Variants in AP3B1 observed in about 807,000 individuals in gnomAD.
AP3B1 encodes adaptor related protein complex 3 subunit beta 1, also known as AP-3 complex subunit beta-1.
AP3B1 carries 61 observed loss-of-function variants against 132.5 expected under a neutral mutation model. The observed-to-expected ratio is 0.46, with a 90% CI of 0.37 to 0.57. The LOEUF (loss-of-function observed/expected upper bound fraction) is 0.57, where lower values mean the gene tolerates loss of function less well. Among genes scored for constraint, AP3B1 ranks in the 20% least tolerant of loss-of-function variants. The pLI, the probability that AP3B1 is intolerant of heterozygous loss-of-function variation, is 0.00. For missense variants in AP3B1, 1,120 were observed against 1,289.4 expected (o/e 0.87, Z 2.01); for synonymous variants, 388 against 438.3 (o/e 0.89, Z 1.43).
intron 3 of AP3B1, among the ~76,000 whole-genome samples, chr5:78,233,620 C>T (rs921406078): frequency 3.1e-4 from 47 of 152,180 alleles, no homozygotes; most frequent in Admixed American, 1.8e-3. Context: ...GGAAAACTGC[C>T]TGCGACAGCT....
intron 6 of AP3B1, chr5:78,222,514 G>A (rs890444190): frequency 6.6e-6 from 1 of 152,156 alleles, no homozygotes; most frequent in Admixed American, 6.5e-5. Flanking sequence ...ATGAACACTA[G>A]TATAATTGTT....
chr5:78,145,559 G>A (rs778930737), intron 14 of AP3B1, among the ~76,000 whole-genome samples: 11 of 152,158 alleles, frequency 7.2e-5, no homozygotes, highest in African/African-American at 2.7e-4. Flanking sequence ...TGTTGAGACC[G>A]GTTCTGATCC....
chr5:78,214,225 G>A (rs1026108477), intron 7 of AP3B1, among the ~76,000 whole-genome samples: 2 of 152,292 alleles, frequency 1.3e-5, no homozygotes, highest in Middle Eastern at 3.4e-3. Flanking sequence ...TGTTCATGGA[G>A]TTAACATGTG....
chr5:78,155,197 G>A (rs1743096355), intron 14 of AP3B1, among the ~76,000 whole-genome samples: 1 of 152,180 alleles, frequency 6.6e-6, no homozygotes, highest in African/African-American at 2.4e-5. Context: ...AAATCTGGGA[G>A]AACTCTCTAG....
chr5:78,010,140 C>T (rs1473576133), intron 26 of AP3B1, among the ~76,000 whole-genome samples: 1 of 152,214 alleles, frequency 6.6e-6, no homozygotes, highest in Admixed American at 6.5e-5. Context: ...GGACAATACA[C>T]TGTCTTGCTG....
chr5:78,145,003 T>C (rs143683795), intron 14 of AP3B1, among the ~76,000 whole-genome samples: 63 of 152,218 alleles, frequency 4.1e-4, no homozygotes, highest in Middle Eastern at 3.4e-3. Flanking sequence ...CAGCTGATAG[T>C]ATGCATTTTA....
chr5:78,122,750 C>T (rs374265417), intron 17 of AP3B1, among the ~76,000 whole-genome samples: 22 of 152,132 alleles, frequency 1.4e-4, no homozygotes, highest in Middle Eastern at 3.4e-3. Flanking sequence ...AGAATCAATA[C>T]CGTGAAAATG....
chr5:78,074,349 G>A (rs1281893352), intron 22 of AP3B1, among the ~76,000 whole-genome samples: 1 of 151,986 alleles, frequency 6.6e-6, no homozygotes, highest in African/African-American at 2.4e-5. Context: ...AGAATAAGAT[G>A]GGGCATGGCT....
chr5:78,095,872 G>A (rs1331841032), intron 21 of AP3B1, among the ~76,000 whole-genome samples: 10 of 151,904 alleles, frequency 6.6e-5, no homozygotes. Flanking sequence ...ATAGCACTTG[G>A]GTATTAAAAA....
intron 22 of AP3B1, among the ~76,000 whole-genome samples, chr5:78,060,925 C>A (rs1248873144): frequency 6.6e-6 from 1 of 152,044 alleles, no homozygotes; most frequent in South Asian, 2.1e-4. Context: ...TCTTGGAGGA[C>A]TAAGAAGAGA....
At chr5:78,053,260 T>C (rs930785847) in intron 22 of AP3B1, among the ~76,000 whole-genome samples, 3 of 152,236 alleles carry the variant, frequency 2.0e-5, no homozygotes, top group African/African-American at 4.8e-5. Flanking sequence ...TCCTCTTTTC[T>C]GTCCCTCTAC....
At chr5:78,223,027 C>CAT (rs1746250167) in intron 6 of AP3B1, among the ~76,000 whole-genome samples, 1 of 127,818 alleles carries the variant, frequency 7.8e-6, no homozygotes, top group African/African-American at 2.9e-5. Flanking sequence ...TTGTTTGTTT[C>CAT]TTTTTTTTTT....
intron 24 of AP3B1, among the ~76,000 whole-genome samples, chr5:78,031,714 G>A (rs1747584076): frequency 6.6e-6 from 1 of 152,120 alleles, no homozygotes; most frequent in South Asian, 2.1e-4. Flanking sequence ...TTTCCCCCAC[G>A]AGTGTTTTAC....
intron 1 of AP3B1, among the ~76,000 whole-genome samples, chr5:78,284,374 G>A (rs1304079586): frequency 6.6e-6 from 1 of 152,040 alleles, no homozygotes; most frequent in Non-Finnish European, 1.5e-5. Flanking sequence ...TATTTATGTA[G>A]GTAGTAATTA....
At chr5:78,272,504 C>G (rs1748587782) in intron 1 of AP3B1, among the ~76,000 whole-genome samples, 1 of 152,168 alleles carries the variant, frequency 6.6e-6, no homozygotes, top group African/African-American at 2.4e-5. Context: ...TCATCTGGTT[C>G]TCCATTCGCA....
chr5:78,187,858 C>T (rs1026865830), intron 7 of AP3B1, among the ~76,000 whole-genome samples: 7 of 152,194 alleles, frequency 4.6e-5, no homozygotes, highest in Non-Finnish European at 1.0e-4. Context: ...GTAACCAAAA[C>T]AGCATGGTAC....
At chr5:78,140,024 G>A (rs754178049) in intron 15 of AP3B1, among the ~76,000 whole-genome samples, 3 of 152,084 alleles carry the variant, frequency 2.0e-5, no homozygotes, top group African/African-American at 7.2e-5. Flanking sequence ...AGGACACAGA[G>A]CATAAAGCTT....
intron 5 of AP3B1, 60 bp downstream of exon 5, chr5:78,227,305 CCTCTGTG>C: frequency 6.7e-7 from 1 of 1,499,142 alleles, no homozygotes; most frequent in East Asian, 2.3e-5. Context: ...ATAAAACAAG[CCTCTGTG>C]GTCTATAACA....
chr5:78,129,273 C>A lies in AP3B1; in HGVS notation c.1685G>T (p.Gly562Val). ...KLLTQYILNL[G>V]KYDQNYDIRD... ...GATGTCGTAGTTTTGATCATACTTG[C>A]CGAGATTTAATATGTACTGGGTAAG... is the stretch of plus-strand genomic sequence containing the variant. Residue 562 changes from glycine to valine, a missense_variant, in exon 16 of 27, where the codon GGC becomes GTC. Gly to Val is a moderately radical substitution (Grantham distance 109). Coordinates refer to ENST00000255194, the MANE Select transcript of AP3B1 (RefSeq NM_003664.5). 1 of 1,613,002 alleles carries A rather than the reference C, an allele frequency of 6.2e-7. No homozygotes were observed. The highest frequency in any genetic ancestry group is 8.5e-7 in the Non-Finnish European group (1 of 1,179,310).
Sources: gnomAD v4.1 joint callset for allele counts (sites outside exome capture counted in the v4.1 genomes callset) on GRCh38, gnomAD v4.1.1 for gene constraint, MANE v1.5 for transcripts, NCBI Gene and HGNC (gene_info 2026-07-23, HGNC 2026-07-21) for gene names.